Variants in NEBL observed in about 807,000 individuals in gnomAD.
The protein encoded by NEBL is nebulette.
NEBL carries 122 observed loss-of-function variants against 140.2 expected under a neutral mutation model. The observed-to-expected ratio is 0.87, with a 90% CI of 0.75 to 1.01. The LOEUF is 1.01. NEBL is among the 50% of genes least tolerant of loss of function. The probability of loss-of-function intolerance (pLI) is 0.00; values close to 1 mark genes in which losing one functional copy is unlikely to be tolerated. For synonymous variants in NEBL, 436 were observed against 398.9 expected (o/e 1.09, Z -1.11); for missense variants, 1,365 against 1,231.3 (o/e 1.11, Z -1.62).
chr10:21,023,309 C>T (rs1384253396), intron 2 of NEBL, among the ~76,000 whole-genome samples: 9 of 152,084 alleles, frequency 5.9e-5, no homozygotes, highest in Non-Finnish European at 1.2e-4. Context: ...AAGTTTAGCC[C>T]GTTGAGAGAT....
At chr10:21,287,211 A>G (rs1182656538) in intron 1 of NEBL, among the ~76,000 whole-genome samples, 2 of 152,128 alleles carry the variant, frequency 1.3e-5, no homozygotes, top group African/African-American at 2.4e-5. Flanking sequence ...ACTCCCATAA[A>G]AGAAGTGGAA....
chr10:21,016,901 C>A (rs1838577858), intron 3 of NEBL, among the ~76,000 whole-genome samples: 1 of 152,182 alleles, frequency 6.6e-6, no homozygotes, highest in Non-Finnish European at 1.5e-5. Flanking sequence ...AGTGTTTTCA[C>A]CTCTCACCCA....
In NEBL at chr10:20,921,714, A is replaced by G. The variant is rs188248204; in HGVS notation, c.357+39958T>C. 1.7e-4 allele frequency among the ~76,000 whole-genome samples: 26 copies of G among 152,118 alleles called. 1 individual carries two copies. The highest frequency in any genetic ancestry group is 9.8e-4 in the Admixed American group (15 of 15,278). The stretch of plus-strand genomic sequence containing the variant: ...TTACTTTGTTTCCTGCTGCACCTTA[A>G]TATGTGACAACACACACACAACACA... On this transcript the variant is annotated intron_variant, in intron 4 of 6. Coordinates refer to the NEBL transcript ENST00000417816.
At chr10:21,233,843 A>G (rs1243331437) in intron 3 of NEBL, among the ~76,000 whole-genome samples, 1 of 104,506 alleles carries the variant, frequency 9.6e-6, no homozygotes, top group African/African-American at 2.9e-5. Context: ...ATATGGATAT[A>G]TATTACATAT....
chr10:21,220,618 C>T (rs1431714196), intron 3 of NEBL, among the ~76,000 whole-genome samples: 1 of 152,102 alleles, frequency 6.6e-6, no homozygotes, highest in African/African-American at 2.4e-5. Context: ...ACCCCAAAAG[C>T]AGAGGCAACA....
chr10:20,843,973 A>C (rs1841643691), intron 12 of NEBL, among the ~76,000 whole-genome samples: 1 of 152,090 alleles, frequency 6.6e-6, no homozygotes, highest in Non-Finnish European at 1.5e-5. Flanking sequence ...TCCTCCTGCC[A>C]CTGTGTCCTA....
At chr10:21,121,183 A>G (rs1536553) in intron 2 of NEBL, among the ~76,000 whole-genome samples, 16,216 of 152,182 alleles carry the variant, frequency 0.11, 916 homozygotes, top group South Asian at 0.15. Flanking sequence ...AAATGGCTTC[A>G]GTTCAAAGAA....
At chr10:21,266,149 T>C (rs1842794481) in intron 1 of NEBL, among the ~76,000 whole-genome samples, 1 of 152,144 alleles carries the variant, frequency 6.6e-6, no homozygotes, top group African/African-American at 2.4e-5. Flanking sequence ...CTTTTTGTTT[T>C]TGTTTTGTTG....
chr10:20,784,051 G>C lies in NEBL; in HGVS notation c.*1696C>G, dbSNP rs991159584. ...ACTTTTCTAAAGTGGAAATAAATTA[G>C]CTTTGGCCTTTGGACTAGTAAACGT... is the stretch of plus-strand genomic sequence containing the variant. On this transcript the variant is annotated 3_prime_UTR_variant, in exon 28 of 28. Coordinates refer to ENST00000377122, the MANE Select transcript of NEBL (RefSeq NM_006393.3). The C allele has an allele frequency of 1.3e-5, 2 of 152,174 alleles. No individual in the cohort carries two copies. Among genetic ancestry groups the C allele is most frequent in the Admixed American group, 1.3e-4 (2 of 15,272 alleles). 9.4% of individuals were successfully genotyped at this position (152,174 alleles called of 1,614,324 possible). A position where few individuals can be genotyped will look rare whatever the true frequency, so the allele number is the denominator to read the frequency against.
rs999063486 is a variant in NEBL at position 21,148,658 on chromosome 10, T to C, written c.164+23725A>G. Among the ~76,000 whole-genome samples, 8 of 152,214 alleles carry C rather than the reference T, an allele frequency of 5.3e-5. No individual in the cohort carries two copies. In the East Asian group the frequency reaches 1.4e-3, roughly 26 times the overall value. ...GGCCTGCCTCAGCCTCCCGAGTAGC[T>C]GAGACTGCAGGCACATACCACCATG... On this transcript the variant is annotated intron_variant, in intron 2 of 6. Coordinates refer to the NEBL transcript ENST00000417816.
chr10:20,867,447 T>C (rs974483828), intron 7 of NEBL, among the ~76,000 whole-genome samples: 1 of 152,174 alleles, frequency 6.6e-6, no homozygotes, highest in Admixed American at 6.6e-5. Context: ...AAAAAAACTA[T>C]AAATGTGTAA....
intron 2 of NEBL, among the ~76,000 whole-genome samples, chr10:21,096,349 A>T (rs1261632602): frequency 6.6e-6 from 1 of 152,184 alleles, no homozygotes; most frequent in African/African-American, 2.4e-5. Context: ...TTGCATATAA[A>T]ACTCGCTTCT....
intron 2 of NEBL, among the ~76,000 whole-genome samples, chr10:21,115,534 G>C (rs1179150504): frequency 1.3e-5 from 2 of 151,848 alleles, no homozygotes; most frequent in Non-Finnish European, 2.9e-5. Flanking sequence ...GTCTAGGTGA[G>C]AGTTTTTTTT....
At chr10:21,196,303 A>ATATTTT (rs1841647432) in intron 3 of NEBL, among the ~76,000 whole-genome samples, 1 of 135,594 alleles carries the variant, frequency 7.4e-6, no homozygotes, top group East Asian at 2.3e-4. Context: ...CGCCGGGCCT[A>ATATTTT]TATTTTTATT....
intron 4 of NEBL, among the ~76,000 whole-genome samples, chr10:20,938,366 G>A (rs1013767477): frequency 6.6e-6 from 1 of 152,212 alleles, no homozygotes; most frequent in African/African-American, 2.4e-5. Flanking sequence ...CAACAGACCT[G>A]CACCTGAGGG....
intron 2 of NEBL, among the ~76,000 whole-genome samples, chr10:21,162,928 G>GA (rs1307502563): frequency 6.6e-6 from 1 of 152,138 alleles, no homozygotes; most frequent in Non-Finnish European, 1.5e-5. Flanking sequence ...TAATAATGAG[G>GA]AAAATTACAA....
At chr10:20,975,164 C>T (rs544472076) in intron 3 of NEBL, among the ~76,000 whole-genome samples, 2 of 152,202 alleles carry the variant, frequency 1.3e-5, no homozygotes, top group South Asian at 4.2e-4. Flanking sequence ...CCTCAAGAGC[C>T]TATCATATTG....
intron 3 of NEBL, among the ~76,000 whole-genome samples, chr10:20,985,573 G>A (rs771117409): frequency 6.6e-6 from 1 of 151,890 alleles, no homozygotes; most frequent in African/African-American, 2.4e-5. Context: ...TTAAATATCC[G>A]ACAAACCAGT....
At chr10:21,025,154 A>T (rs1329944864) in intron 2 of NEBL, among the ~76,000 whole-genome samples, 2 of 148,954 alleles carry the variant, frequency 1.3e-5, no homozygotes, top group Non-Finnish European at 3.0e-5. Context: ...ATCAGGAAAC[A>T]AAAAAAAAAG....
Sources: gnomAD v4.1 joint callset for allele counts (sites outside exome capture counted in the v4.1 genomes callset) on GRCh38, gnomAD v4.1.1 for gene constraint, MANE v1.5 for transcripts, NCBI Gene and HGNC (gene_info 2026-07-23, HGNC 2026-07-21) for gene names.